The following GRTP1 variants were observed in gnomAD, a reference collection of about 807,000 sequenced individuals.
GRTP1 encodes growth hormone-regulated TBC protein 1.
A neutral mutation model predicts 38.1 loss-of-function variants in GRTP1; 56 were observed. The observed-to-expected ratio is 1.47, with a 90% CI of 1.19 to 1.84. The LOEUF is 1.84. Among genes scored for constraint, GRTP1 ranks in the 40% most tolerant of loss-of-function variants. The pLI is 0.00. For synonymous variants in GRTP1, 217 were observed against 189.5 expected (o/e 1.14, Z -1.19); for missense variants, 506 against 453.9 (o/e 1.11, Z -1.04).
At chr13:113,340,146 C>A (rs2043006268) in intron 5 of GRTP1, among the ~76,000 whole-genome samples, 1 of 150,272 alleles carries the variant, frequency 6.7e-6, no homozygotes, top group Non-Finnish European at 1.5e-5. Context: ...GTAGCTGGGA[C>A]CGCAGGCATG....
rs560450486 is a variant in GRTP1 at position 113,348,818 on chromosome 13, G to A, written c.465+2031C>T. ...AGAAAGAACCCGCCCCGCAGACGCC[G>A]CGACCTCACCTGCCCCGCAGATGCC... On this transcript the variant is annotated intron_variant, in intron 4 of 7. Coordinates refer to ENST00000375431, the MANE Select transcript of GRTP1 (RefSeq NM_024719.4). This position sits in a 1 kb window ranked among gnomAD's most constrained non-coding sequence, Gnocchi z 4.8. 1.3e-5 allele frequency among the ~76,000 whole-genome samples: 2 copies of A among 151,976 alleles called. No homozygotes were observed. Among genetic ancestry groups the A allele is most frequent in the African/African-American group, 2.4e-5 (1 of 41,378 alleles).
chr13:113,329,591 A>AAAAAAT (rs371218463), intron 5 of GRTP1, among the ~76,000 whole-genome samples: 1 of 152,174 alleles, frequency 6.6e-6, no homozygotes, highest in Admixed American at 6.6e-5. Flanking sequence ...CTCAAAAAAT[A>AAAAAAT]AAAAATAAAA....
intron 2 of GRTP1, chr13:113,361,968 G>A (rs2043507590): frequency 6.6e-6 from 1 of 152,060 alleles, no homozygotes; most frequent in Non-Finnish European, 1.5e-5. Flanking sequence ...GGCCAATATG[G>A]TAAAACCCAT....
At position 113,325,903 on chromosome 13, in the gene GRTP1, C is replaced by T. The variant is rs187404761; in HGVS notation, c.735+16G>A. On this transcript the variant is annotated intron_variant, in intron 6 of 7. Coordinates refer to ENST00000375431, the MANE Select transcript of GRTP1 (RefSeq NM_024719.4). ...CTGGCGGCCCGCCCGCCCCAGGGCC[C>T]GAGTGAGGCGCTCACCTCCACGGGC... 1,906 of 1,613,918 alleles carry T rather than the reference C, an allele frequency of 1.2e-3. 12 individuals are homozygous for T. In the African/African-American group the frequency reaches 0.017, roughly 14 times the overall value.
At chr13:113,355,569 GTTCTC>G in intron 2 of GRTP1, 88 bp from the exon 3 acceptor site, 1 of 1,391,420 alleles carries the variant, frequency 7.2e-7, no homozygotes, top group Non-Finnish European at 9.5e-7. Context: ...ACTCTCACCA[GTTCTC>G]TTCTTAAATC....
intron 5 of GRTP1, among the ~76,000 whole-genome samples, chr13:113,339,004 C>T (rs4907613): frequency 0.12 from 18,537 of 151,312 alleles, 1,418 homozygotes; most frequent in Middle Eastern, 0.22. Flanking sequence ...ACCTCTGCCT[C>T]CCAGGTTTAA....
At chr13:113,334,280 A>ACTGCCCCCCCCCCCCCCCCCCCCCGCC (rs1202504022) in intron 5 of GRTP1, among the ~76,000 whole-genome samples, 6 of 142,486 alleles carry the variant, frequency 4.2e-5, no homozygotes, top group Admixed American at 1.5e-4. Context: ...CACTGCCACG[A>ACTGCCCCCCCCCCCCCCCCCCCCCGCC]CAGCCTCCCG....
Position 113,356,876 on chromosome 13 carries a change from C to A in GRTP1, c.182-1395G>T, listed in dbSNP as rs79754706. ...TCTGGAAGGACAGGCCCTTGTCTGT[C>A]CACTGGGCCTCCCACTCCTGGAAGG... On this transcript the variant is annotated intron_variant, in intron 2 of 7. Transcript: ENST00000375431. 9.9e-3 allele frequency among the ~76,000 whole-genome samples: 1,500 copies of A among 152,248 alleles called. 16 individuals carry two copies. Among genetic ancestry groups the A allele is most frequent in the South Asian group, 0.027 (131 of 4,812 alleles).
At chr13:113,329,597 T>C (rs1367546633) in intron 5 of GRTP1, among the ~76,000 whole-genome samples, 2 of 148,990 alleles carry the variant, frequency 1.3e-5, no homozygotes, top group South Asian at 2.1e-4. Context: ...AAATAAAAAA[T>C]AAAAATAAAA....
rs777315633 is a variant in GRTP1, at chr13:113,324,538, C to T, written c.961G>A (p.Val321Ile). ...SEPGSLSMAT[V>I]AKLRESCRAR... ...CTGCAGCTCTCGCGGAGCTTGGCGA[C>T]GGTGGCCATGGATAAGCTTCCAGGT... Residue 321 changes from valine (V) to isoleucine (I), a missense_variant, in exon 8 of 8, where the codon GTC (valine) becomes ATC (isoleucine). Coordinates refer to ENST00000375431, the MANE Select transcript of GRTP1 (RefSeq NM_024719.4). The T allele has an allele frequency of 2.5e-4, 398 of 1,611,716 alleles. No homozygotes were observed. Among genetic ancestry groups the T allele is most frequent in the Non-Finnish European group, 3.2e-4 (377 of 1,179,174 alleles).
chr13:113,346,788 A>G (rs146152465), intron 4 of GRTP1, among the ~76,000 whole-genome samples: 1 of 138 alleles, frequency 7.2e-3, no homozygotes, highest in Non-Finnish European at 0.071. Flanking sequence ...CTCTGTGGCA[A>G]AGAGCAGACC....
chr13:113,346,249 TG>T (rs2043126739), intron 4 of GRTP1, among the ~76,000 whole-genome samples: 1 of 95,346 alleles, frequency 1.0e-5, no homozygotes, highest in Non-Finnish European at 2.2e-5. Flanking sequence ...AGGACCTCTG[TG>T]GCCGAGAGCA....
rs5024392 is a variant in GRTP1, at chr13:113,352,264, T to A, written c.341-1291A>T. On this transcript the variant is annotated intron_variant, in intron 3 of 7. Transcript: ENST00000375431. The stretch of plus-strand genomic sequence containing the variant: ...TATATTTATATATATTTATATATTT[T>A]TATATTTTTATATATATTTATATAT... Among the ~76,000 whole-genome samples the A allele has an allele frequency of 2.9e-3, 226 of 76,712 alleles. 1 individual carries two copies. Among genetic ancestry groups the A allele is most frequent in the East Asian group, 7.0e-3 (11 of 1,568 alleles). 50.3% of individuals were successfully genotyped at this position (76,712 alleles called of 152,430 possible).
chr13:113,341,558 T>G (rs1453260829), intron 5 of GRTP1, among the ~76,000 whole-genome samples: 1 of 151,966 alleles, frequency 6.6e-6, no homozygotes, highest in Admixed American at 6.6e-5. Flanking sequence ...TGAGCCACCG[T>G]GCCCAGCTAC....
Position 113,325,760 on chromosome 13 carries a change from C to T in GRTP1, c.822G>A (p.Gln274=). ...CGCTGGTGGCTTCCAAAATCAACTC[C>T]TGGTGCTGCTTAATTAAGGTCAGGG... ...RVALTLIKQH[Q]ELILEATSVP... The change falls in exon 7 of 8, where the codon CAG becomes CAA. Residue 274 remains glutamine, a synonymous_variant. Transcript: ENST00000375431. 6.2e-7 allele frequency: 1 copy of T among 1,613,868 alleles called. No homozygotes were observed. The highest frequency in any genetic ancestry group is 2.2e-5 in the East Asian group (1 of 44,870).
In GRTP1 at chr13:113,355,341, C is replaced by A; in HGVS notation, c.322G>T (p.Glu108Ter). 1 of 1,614,108 alleles carries A rather than the reference C, an allele frequency of 6.2e-7. No homozygotes were observed. The change falls in exon 3 of 8, where the codon GAG becomes TAG. Residue 108 changes from glutamate (E) to a stop codon, truncating the protein, a stop_gained. Transcript: ENST00000375431. LOFTEE classifies it high-confidence loss of function. ...GCCTCACCTGTCCTGATGGCGTCCT[C>A]CAGCCTGGGGTTTCTCTCTCCCTGG... is the stretch of plus-strand genomic sequence containing the variant. The part of the protein sequence containing the change: ...LLQGERNPRL[E>*]DAIRTDLNRT...
chr13:113,344,875 T>C lies in GRTP1; in HGVS notation c.550A>G (p.Arg184Gly). The change falls in exon 5 of 8, where the codon AGA becomes GGA. Residue 184 changes from arginine to glycine, a missense_variant. Transcript: ENST00000375431. ...ATTTTCAACATACCTGGTAGTATTC[T>C]TCCAACAAGAGCATCTAACAGCCAA... ...SFWLLDALVGRILPDYYSPAM... is the reference protein window; with the variant it reads ...SFWLLDALVGGILPDYYSPAM... 1 of 1,608,108 alleles carries C rather than the reference T, an allele frequency of 6.2e-7. No individual in the cohort carries two copies. Among genetic ancestry groups the C allele is most frequent in the Non-Finnish European group, 8.5e-7 (1 of 1,178,738 alleles).
At chr13:113,345,104 G>A (rs2025248) in intron 4 of GRTP1, 145 bp from the exon 5 acceptor site, 828,686 of 864,726 alleles carry the variant, frequency 0.96, 399,470 homozygotes, top group Non-Finnish European at 0.98. Context: ...TCCTTTAGTA[G>A]AACTCTAGAG....
chr13:113,361,547 T>C (rs2043499343), intron 2 of GRTP1: 1 of 152,208 alleles, frequency 6.6e-6, no homozygotes, highest in African/African-American at 2.4e-5. Flanking sequence ...TGCACAACCA[T>C]ACATCTTTCA....
Sources: gnomAD v4.1 joint callset for allele counts (sites outside exome capture counted in the v4.1 genomes callset) on GRCh38, gnomAD v4.1.1 for gene constraint, Gnocchi (gnomAD v3.1) non-coding constraint, MANE v1.5 for transcripts, NCBI Gene and HGNC (gene_info 2026-07-23, HGNC 2026-07-21) for gene names.